Variants in TCTN1 observed in about 807,000 individuals in gnomAD.
TCTN1 encodes tectonic-1.
A neutral mutation model predicts 65.8 loss-of-function variants in TCTN1; 58 were observed. The ratio of observed to expected loss-of-function variants is 0.88; its 90% CI spans 0.71 to 1.10. TCTN1 has a LOEUF of 1.10. TCTN1 is among the 50% of genes least tolerant of loss of function. The pLI, the probability that TCTN1 is intolerant of heterozygous loss-of-function variation, is 0.00. For synonymous variants in TCTN1, 273 were observed against 289.1 expected (o/e 0.94, Z 0.57); for missense variants, 645 against 719.4 (o/e 0.90, Z 1.18).
chr12:110,626,013 A>G (rs1248894344), intron 2 of TCTN1: 3 of 201,084 alleles, frequency 1.5e-5, no homozygotes, highest in African/African-American at 7.1e-5. Flanking sequence ...CGGCCTCCCA[A>G]AGTGCTGGGA....
chr12:110,634,703 G>T lies in TCTN1; in HGVS notation c.746G>T (p.Arg249Ile), dbSNP rs1261265906. 6.2e-7 allele frequency: 1 copy of T among 1,611,682 alleles called. No homozygotes were observed. The highest frequency in any genetic ancestry group is 8.5e-7 in the Non-Finnish European group (1 of 1,178,878). ...FLVNQAVKCT[R>I]KINLEQCEEI... ...GTGAACCAGGCTGTTAAGTGCACCAGAAAAATAAATTTAGAACAGTGTGAA... is the reference window on the plus strand; with the variant it reads ...GTGAACCAGGCTGTTAAGTGCACCATAAAAATAAATTTAGAACAGTGTGAA... Residue 249 changes from arginine (R) to isoleucine (I), a missense_variant, in exon 6 of 15, where the codon AGA becomes ATA. Physicochemically the swap from Arg to Ile is moderately conservative, Grantham distance 97. Coordinates refer to ENST00000397659, the MANE Select transcript of TCTN1 (RefSeq NM_001082538.3).
At chr12:110,636,801 C>T (rs1221256130) in intron 7 of TCTN1, among the ~76,000 whole-genome samples, 1 of 152,232 alleles carries the variant, frequency 6.6e-6, no homozygotes, top group East Asian at 1.9e-4. Context: ...CTATCCCTTG[C>T]TCCCTTCTTA....
chr12:110,617,904 GCT>G (rs1369909076), intron 1 of TCTN1, among the ~76,000 whole-genome samples: 41 of 151,982 alleles, frequency 2.7e-4, no homozygotes, highest in Admixed American at 2.4e-3. Flanking sequence ...CTCCCAAAGT[GCT>G]GGGATTACAG....
chr12:110,641,806 G>C (rs1033387154), intron 10 of TCTN1, 179 bp downstream of exon 10: 3 of 620,820 alleles, frequency 4.8e-6, no homozygotes, highest in African/African-American at 1.8e-5. Flanking sequence ...CAGGTGGGCT[G>C]GGGGGAGACT....
chr12:110,619,591 C>G (rs2065276686), intron 1 of TCTN1, among the ~76,000 whole-genome samples: 1 of 152,212 alleles, frequency 6.6e-6, no homozygotes, highest in Admixed American at 6.5e-5. Flanking sequence ...AAATCAGCAT[C>G]TCTGTAGGCA....
intron 7 of TCTN1, among the ~76,000 whole-genome samples, chr12:110,636,721 A>G (rs1311440532): frequency 1.3e-5 from 2 of 151,996 alleles, no homozygotes; most frequent in Non-Finnish European, 2.9e-5. Context: ...GTGGTTTTGT[A>G]CTCTTCCATG....
At chr12:110,642,710 G>A (rs190857029) in intron 11 of TCTN1, among the ~76,000 whole-genome samples, 3 of 150,878 alleles carry the variant, frequency 2.0e-5, no homozygotes, top group Non-Finnish European at 1.5e-5. Context: ...AAGGGATCCC[G>A]CCTCAGTCTC....
At chr12:110,616,195 A>T in intron 1 of TCTN1, 1 of 388,658 alleles carries the variant, frequency 2.6e-6, no homozygotes, top group Admixed American at 2.9e-5. Context: ...TTATTATAGC[A>T]TGTGTTCAAG....
At chr12:110,641,983 A>G in intron 10 of TCTN1, 2 of 568,704 alleles carry the variant, frequency 3.5e-6, no homozygotes, top group Middle Eastern at 4.6e-4. Context: ...TTTCACATTT[A>G]AACAGACACT....
rs542698060 is a variant in TCTN1 at position 110,620,456 on chromosome 12, G to A, written c.341+500G>A. Among the ~76,000 whole-genome samples the A allele has an allele frequency of 3.9e-5, 6 of 152,014 alleles. No homozygotes were observed. In the South Asian group the frequency reaches 1.0e-3, roughly 26 times the overall value. ...CTTATTTGCATTCAGCCAGGTGACT[G>A]TGCAGGCAAAAGAGAAGAGAGAATA... is the stretch of plus-strand genomic sequence containing the variant. On this transcript the variant is annotated intron_variant, in intron 2 of 14. Coordinates refer to ENST00000397659, the MANE Select transcript of TCTN1 (RefSeq NM_001082538.3).
At position 110,649,238 on chromosome 12, in the gene TCTN1, G is replaced by A. The variant is rs925286074; in HGVS notation, c.*197G>A. The A allele has an allele frequency of 1.0e-5, 7 of 668,142 alleles. 1 individual carries two copies. Among genetic ancestry groups the A allele is most frequent in the South Asian group, 6.7e-5 (4 of 59,272 alleles). The allele number at this position is 668,142 out of a possible 1,614,324, so 41.4% of individuals were successfully genotyped here. A position where few individuals can be genotyped will look rare whatever the true frequency, so the allele number is the denominator to read the frequency against. The stretch of plus-strand genomic sequence containing the variant: ...TGGGAGTGGATGGGCAGCTCTTGGT[G>A]GTACTGGACCTTCCACAAGGCTGTG... On this transcript the variant is annotated 3_prime_UTR_variant, in exon 15 of 15. Coordinates refer to ENST00000397659, the MANE Select transcript of TCTN1 (RefSeq NM_001082538.3).
At chr12:110,623,515 C>T (rs1183891746) in intron 2 of TCTN1, among the ~76,000 whole-genome samples, 1 of 152,122 alleles carries the variant, frequency 6.6e-6, no homozygotes, top group African/African-American at 2.4e-5. Flanking sequence ...ATGTTACCTG[C>T]CTTTTGGTTT....
Position 110,644,871 on chromosome 12 carries a change from TAAATA to T in TCTN1, c.1332-93_1332-89del, listed in dbSNP as rs2067193863. 1.9e-6 allele frequency: 3 copies of T among 1,538,674 alleles called. No individual in the cohort carries two copies. In the African/African-American group the frequency reaches 4.1e-5, roughly 21 times the overall value. On this transcript the variant is annotated intron_variant, in intron 11 of 14. Coordinates refer to ENST00000397659, the MANE Select transcript of TCTN1 (RefSeq NM_001082538.3). This position sits in a 1 kb window ranked among gnomAD's most constrained non-coding sequence, Gnocchi z 4.6. ...TCAGAGTGAGACCTTATCTCAAAAA[TAAATA>T]AACAAAGGGAAGGAAAGGAAGAAGA...
chr12:110,633,296 A>G (rs941515063), intron 5 of TCTN1, among the ~76,000 whole-genome samples: 3 of 152,204 alleles, frequency 2.0e-5, no homozygotes, highest in African/African-American at 4.8e-5. Flanking sequence ...GAAAAGACAA[A>G]TGTATTCTGC....
chr12:110,619,611 C>G (rs1469996875), intron 1 of TCTN1, among the ~76,000 whole-genome samples: 1 of 152,196 alleles, frequency 6.6e-6, no homozygotes, highest in Non-Finnish European at 1.5e-5. Context: ...AAAGCACTAA[C>G]AGAACTTTCC....
chr12:110,628,072 T>C, intron 3 of TCTN1: 5 of 1,535,974 alleles, frequency 3.3e-6, no homozygotes, highest in Non-Finnish European at 4.4e-6. Flanking sequence ...TCCAGGACTT[T>C]CACGGTGGCT....
At chr12:110,629,176 T>C (rs963252566) in intron 4 of TCTN1, 26 of 570,166 alleles carry the variant, frequency 4.6e-5, no homozygotes, top group Middle Eastern at 4.6e-4. Context: ...ATTCAGGACA[T>C]AGACATGGGC....
chr12:110,628,688 T>G, intron 3 of TCTN1, 79 bp from the exon 4 acceptor site: 1 of 1,317,152 alleles, frequency 7.6e-7, no homozygotes, highest in Non-Finnish European at 1.0e-6. Context: ...TTAAAAACTT[T>G]CCAAAACCTT....
intron 2 of TCTN1, among the ~76,000 whole-genome samples, chr12:110,625,228 G>C (rs1367016102): frequency 6.6e-6 from 1 of 152,094 alleles, no homozygotes; most frequent in Non-Finnish European, 1.5e-5. Flanking sequence ...TTCCTTAAAG[G>C]TTATTCTACT....
Sources: gnomAD v4.1 joint callset for allele counts (sites outside exome capture counted in the v4.1 genomes callset) on GRCh38, gnomAD v4.1.1 for gene constraint, Gnocchi (gnomAD v3.1) non-coding constraint, MANE v1.5 for transcripts, NCBI Gene and HGNC (gene_info 2026-07-23, HGNC 2026-07-21) for gene names.